MRPS28: variants seen among roughly 807,000 people sequenced by gnomAD.
The protein encoded by MRPS28 is mitochondrial ribosomal protein S28.
Under a neutral mutation model 10.8 loss-of-function variants are expected in MRPS28, and 7 were observed. That is an observed-to-expected ratio of 0.65 (90% confidence interval 0.37 to 1.22). MRPS28 has a LOEUF of 1.22. Among genes scored for constraint, MRPS28 ranks in the 50% most tolerant of loss-of-function variants. MRPS28 has a pLI of 0.02. For missense variants in MRPS28, 265 were observed against 232.9 expected (o/e 1.14, Z -0.90); for synonymous variants, 121 against 93.3 (o/e 1.30, Z -1.71).
chr8:80,013,840 CAG>C (rs1285220671), intron 1 of MRPS28, among the ~76,000 whole-genome samples: 2 of 152,148 alleles, frequency 1.3e-5, no homozygotes, highest in East Asian at 3.9e-4. Flanking sequence ...ACGCTCGCAA[CAG>C]AGTTCTTTTA....
chr8:79,983,653 C>G (rs1235859858), intron 2 of MRPS28, among the ~76,000 whole-genome samples: 2 of 151,994 alleles, frequency 1.3e-5, no homozygotes, highest in Non-Finnish European at 2.9e-5. Flanking sequence ...CTGATGCGAT[C>G]AACTGGAAGA....
chr8:79,969,017 T>C (rs1012368781), intron 2 of MRPS28, among the ~76,000 whole-genome samples: 1 of 152,186 alleles, frequency 6.6e-6, no homozygotes, highest in African/African-American at 2.4e-5. Context: ...TAAGGGTTAA[T>C]GAGTTAATGT....
chr8:80,003,653 G>A (rs1236339548), intron 1 of MRPS28, among the ~76,000 whole-genome samples: 1 of 152,082 alleles, frequency 6.6e-6, no homozygotes, highest in Non-Finnish European at 1.5e-5. Context: ...GCGGGTGCAG[G>A]GCAGTGGGTG....
At chr8:80,024,807 AG>A (rs996390462) in intron 1 of MRPS28, among the ~76,000 whole-genome samples, 1 of 152,220 alleles carries the variant, frequency 6.6e-6, no homozygotes, top group Non-Finnish European at 1.5e-5. Flanking sequence ...CTTGTTCTTC[AG>A]GAACTACAGC....
intron 2 of MRPS28, among the ~76,000 whole-genome samples, chr8:79,989,388 A>T (rs1465435752): frequency 6.6e-6 from 1 of 152,198 alleles, no homozygotes; most frequent in East Asian, 1.9e-4. Flanking sequence ...GAAAGGAGAT[A>T]AGGTTATCTT....
At chr8:79,983,974 A>G (rs554729755) in intron 2 of MRPS28, among the ~76,000 whole-genome samples, 7,821 of 152,214 alleles carry the variant, frequency 0.051, 654 homozygotes, top group African/African-American at 0.18. Flanking sequence ...CATAATTGTC[A>G]GATTCACCAA....
chr8:80,025,486 CTG>C, intron 1 of MRPS28, among the ~76,000 whole-genome samples: 1 of 152,114 alleles, frequency 6.6e-6, no homozygotes, highest in Non-Finnish European at 1.5e-5. Flanking sequence ...CACTGCAACA[CTG>C]TGTTAGAAAA....
chr8:79,954,922 C>A (rs868569836), intron 2 of MRPS28, among the ~76,000 whole-genome samples: 13 of 152,048 alleles, frequency 8.5e-5, no homozygotes, highest in African/African-American at 3.1e-4. Context: ...ATTGCTTGAA[C>A]CCAGGAGGCA....
chr8:79,919,077 G>A lies in MRPS28; in HGVS notation c.467C>T (p.Ala156Val). Reference protein sequence around the residue: ...DLELTSRFLGATTDTTVLEAN... With the variant: ...DLELTSRFLGVTTDTTVLEAN... Reference sequence around the variant, plus strand: ...CTCTAGTACAGTTGTATCTGTTGTTGCTCCCAGGAACCTAGACGTAAGTTC... The same window carrying A: ...CTCTAGTACAGTTGTATCTGTTGTTACTCCCAGGAACCTAGACGTAAGTTC... Residue 156 changes from alanine to valine, a missense_variant, in exon 3 of 3, where the codon GCA becomes GTA. Coordinates refer to ENST00000276585, the MANE Select transcript of MRPS28 (RefSeq NM_014018.3). The A allele has an allele frequency of 1.2e-6, 2 of 1,610,668 alleles. No homozygotes were observed. Among genetic ancestry groups the A allele is most frequent in the Non-Finnish European group, 1.7e-6 (2 of 1,178,570 alleles).
intron 2 of MRPS28, among the ~76,000 whole-genome samples, chr8:79,941,656 A>C (rs1806775356): frequency 6.6e-6 from 1 of 152,198 alleles, no homozygotes; most frequent in East Asian, 1.9e-4. Context: ...ATTATTTTTT[A>C]GTCAAATTAG....
At chr8:79,950,953 C>A (rs942517068) in intron 2 of MRPS28, among the ~76,000 whole-genome samples, 1 of 152,038 alleles carries the variant, frequency 6.6e-6, no homozygotes, top group Admixed American at 6.5e-5. Flanking sequence ...ATCTACCACT[C>A]CCCCCCACCT....
intron 2 of MRPS28, among the ~76,000 whole-genome samples, chr8:79,978,730 A>G (rs562791256): frequency 3.6e-4 from 55 of 152,338 alleles, no homozygotes; most frequent in African/African-American, 1.2e-3. Context: ...ATAAATAAAT[A>G]AATACGCAGT....
At chr8:79,945,246 G>C (rs944841423) in intron 2 of MRPS28, among the ~76,000 whole-genome samples, 3 of 152,216 alleles carry the variant, frequency 2.0e-5, no homozygotes, top group East Asian at 1.9e-4. Context: ...TAACTATAGA[G>C]AGAGAACAAC....
At chr8:79,972,961 C>G (rs1807675612) in intron 2 of MRPS28, among the ~76,000 whole-genome samples, 1 of 152,014 alleles carries the variant, frequency 6.6e-6, no homozygotes, top group Non-Finnish European at 1.5e-5. Flanking sequence ...AATCTATTGC[C>G]AGGTGATTTT....
chr8:79,945,382 A>T (rs1806884340), intron 2 of MRPS28, among the ~76,000 whole-genome samples: 1 of 152,228 alleles, frequency 6.6e-6, no homozygotes, highest in African/African-American at 2.4e-5. Flanking sequence ...GCACCAGATG[A>T]TAGAGACAGC....
At chr8:79,950,451 G>A (rs989108984) in intron 2 of MRPS28, among the ~76,000 whole-genome samples, 3 of 152,068 alleles carry the variant, frequency 2.0e-5, no homozygotes, top group Non-Finnish European at 4.4e-5. Context: ...GGATATTAGG[G>A]TATAATTCTC....
intron 2 of MRPS28, among the ~76,000 whole-genome samples, chr8:79,984,501 C>T (rs1208941347): frequency 6.6e-6 from 1 of 152,102 alleles, no homozygotes; most frequent in Admixed American, 6.6e-5. Context: ...AGAGTCAAGA[C>T]CCATCAGTGC....
At chr8:79,979,915 CAAAAAAAA>C (rs61633169) in intron 2 of MRPS28, among the ~76,000 whole-genome samples, 23 of 31,336 alleles carry the variant, frequency 7.3e-4, no homozygotes, top group African/African-American at 1.9e-3. Flanking sequence ...GATTCTCACG[CAAAAAAAA>C]AAAAAAAAAA....
intron 2 of MRPS28, among the ~76,000 whole-genome samples, chr8:79,975,644 T>C (rs941948061): frequency 2.0e-5 from 3 of 152,140 alleles, no homozygotes; most frequent in Non-Finnish European, 1.5e-5. Flanking sequence ...ACGTTCAACA[T>C]TGCTAGTCAT....
Sources: gnomAD v4.1 joint callset for allele counts (sites outside exome capture counted in the v4.1 genomes callset) on GRCh38, gnomAD v4.1.1 for gene constraint, MANE v1.5 for transcripts, NCBI Gene and HGNC (gene_info 2026-07-23, HGNC 2026-07-21) for gene names.